The following MKX variants were observed in gnomAD, a reference collection of about 807,000 sequenced individuals.
MKX encodes mohawk homeobox, also known as homeobox protein Mohawk.
A neutral mutation model predicts 36.0 loss-of-function variants in MKX; 13 were observed. The observed-to-expected ratio is 0.36, with a 90% CI of 0.24 to 0.57. The LOEUF is 0.57. Among genes scored for constraint, MKX ranks in the 20% least tolerant of loss-of-function variants. The pLI is 0.79. For synonymous variants in MKX, 176 were observed against 178.3 expected, an observed-to-expected ratio of 0.99 and a Z score of 0.10; for missense variants, 458 against 456.4, an observed-to-expected ratio of 1.00 and a Z score of -0.03.
chr10:27,734,684 G>A lies in MKX; in HGVS notation c.610C>T (p.Pro204Ser), dbSNP rs756336977. 1.9e-6 allele frequency: 3 copies of A among 1,614,046 alleles called. No individual in the cohort carries two copies. Among genetic ancestry groups the A allele is most frequent in the Admixed American group, 1.7e-5 (1 of 60,012 alleles). ...TAGTCCTCACTGGCCCGTGACTCTG[G>A]CCTCACTCCCGCTTTGATGACCGAA... ...ENSVIKAGVRPESRASEDYVA... is the reference protein window; with the variant it reads ...ENSVIKAGVRSESRASEDYVA... The change falls in exon 5 of 7, where the codon CCA becomes TCA. Residue 204 changes from proline (P) to serine (S), a missense_variant. This residue lies in a region of MKX where 297 missense variants were observed against 304.4 expected (regional missense o/e 0.98). Coordinates refer to ENST00000419761, the MANE Select transcript of MKX (RefSeq NM_173576.3).
At chr10:27,743,157 C>A in intron 2 of MKX, 71 bp downstream of exon 2, 1 of 1,346,570 alleles carries the variant, frequency 7.4e-7, no homozygotes, top group Non-Finnish European at 9.6e-7. Flanking sequence ...TGCCACGGGA[C>A]CCCGTCACAG....
At chr10:27,704,110 C>T (rs895114788) in intron 5 of MKX, among the ~76,000 whole-genome samples, 3 of 151,958 alleles carry the variant, frequency 2.0e-5, no homozygotes, top group African/African-American at 7.3e-5. Flanking sequence ...AACAATAAAA[C>T]AAACAGATAA....
chr10:27,689,187 T>C (rs1836409664), intron 5 of MKX, among the ~76,000 whole-genome samples: 1 of 152,228 alleles, frequency 6.6e-6, no homozygotes. Context: ...GTCTGACTGA[T>C]TAACACCAGA....
intron 5 of MKX, among the ~76,000 whole-genome samples, chr10:27,720,443 A>C (rs1291707833): frequency 6.6e-6 from 1 of 152,158 alleles, no homozygotes; most frequent in Non-Finnish European, 1.5e-5. Flanking sequence ...ATATGGAATA[A>C]AAACTTTCCC....
Position 27,743,443 on chromosome 10 carries a change from C to T in MKX, c.-28G>A. 6.6e-7 allele frequency: 1 copy of T among 1,513,104 alleles called. No homozygotes were observed. Among genetic ancestry groups the T allele is most frequent in the South Asian group, 1.3e-5 (1 of 77,416 alleles). 93.7% of individuals were successfully genotyped at this position (1,513,104 alleles called of 1,614,324 possible). A position where few individuals can be genotyped will look rare whatever the true frequency, so the allele number is the denominator to read the frequency against. ...TGTCGGTTGGTAGGGACGCGCGGCG[C>T]GGCCGCAGAGCCTCGGGGCTGGGCC... On this transcript the variant is annotated 5_prime_UTR_variant, in exon 2 of 7. Coordinates refer to ENST00000419761, the MANE Select transcript of MKX (RefSeq NM_173576.3).
chr10:27,743,203 A>T (rs1834951073), intron 2 of MKX, 25 bp downstream of exon 2: 1 of 1,434,016 alleles, frequency 7.0e-7, no homozygotes. Context: ...GCAGGCGGGC[A>T]GGGCCCCCAG....
chr10:27,707,563 G>A (rs1836779254), intron 5 of MKX, among the ~76,000 whole-genome samples: 1 of 152,132 alleles, frequency 6.6e-6, no homozygotes, highest in Admixed American at 6.5e-5. Flanking sequence ...ACCCAGCACT[G>A]CTGTGGAAAG....
chr10:27,683,301 G>A (rs949347661), intron 5 of MKX, among the ~76,000 whole-genome samples: 2 of 152,190 alleles, frequency 1.3e-5, no homozygotes, highest in Admixed American at 6.5e-5. Context: ...CATTGGTTCC[G>A]ATTGCCTACA....
At chr10:27,723,668 T>G (rs1834427408) in intron 5 of MKX, among the ~76,000 whole-genome samples, 1 of 152,224 alleles carries the variant, frequency 6.6e-6, no homozygotes, top group African/African-American at 2.4e-5. Context: ...ATTCTCTCCC[T>G]TGCCAGATAG....
chr10:27,723,228 G>C (rs1834418432), intron 5 of MKX, among the ~76,000 whole-genome samples: 1 of 152,094 alleles, frequency 6.6e-6, no homozygotes, highest in Non-Finnish European at 1.5e-5. Context: ...AGTTAGATAA[G>C]CTAGAGTCCC....
Position 27,741,397 on chromosome 10 carries a change from G to C in MKX, c.296C>G (p.Thr99Ser). The change falls in exon 3 of 7, where the codon ACC (threonine) becomes AGC (serine). Residue 99 changes from threonine (T) to serine (S), a missense_variant. Physicochemically the swap from Thr to Ser is moderately conservative, Grantham distance 58. Around this residue, in one of 3 missense-constraint regions of MKX, gnomAD observed 12 missense variants for 37.6 expected, o/e 0.32. Transcript: ENST00000419761. This position sits in a 1 kb window ranked among gnomAD's most constrained non-coding sequence, Gnocchi z 5.1. The part of the protein sequence containing the change: ...LYKHRDNPYP[T>S]KTEKILLALG... ...GGCCAAGAGTATCTTCTCGGTCTTG[G>C]TGGGGTACGGGTTGTCACGGTGCTT... 1 of 1,613,574 alleles carries C rather than the reference G, an allele frequency of 6.2e-7. No homozygotes were observed. Among genetic ancestry groups the C allele is most frequent in the East Asian group, 2.2e-5 (1 of 44,852 alleles).
At position 27,742,970 on chromosome 10, in the gene MKX, G is replaced by C. The variant is rs994209530; in HGVS notation, c.188+258C>G. 6.6e-6 allele frequency among the ~76,000 whole-genome samples: 1 copy of C among 152,250 alleles called. No homozygotes were observed. Among genetic ancestry groups the C allele is most frequent in the Non-Finnish European group, 1.5e-5 (1 of 68,038 alleles). ...AACTCCGAGGTCCAGGCAGCGGAGG[G>C]CCGAGGGGCAGCTCCTGGCGCCCTT... On this transcript the variant is annotated intron_variant, in intron 2 of 6. Transcript: ENST00000419761. This position sits in a 1 kb window ranked among gnomAD's most constrained non-coding sequence, Gnocchi z 4.2.
Position 27,742,020 on chromosome 10 carries a change from C to T in MKX, c.189-516G>A, listed in dbSNP as rs1834910417. 6.6e-6 allele frequency among the ~76,000 whole-genome samples: 1 copy of T among 152,230 alleles called. No individual in the cohort carries two copies. Among genetic ancestry groups the T allele is most frequent in the African/African-American group, 2.4e-5 (1 of 41,462 alleles). On this transcript the variant is annotated intron_variant, in intron 2 of 6. Transcript: ENST00000419761. The surrounding 1 kb of genome is among the most constrained non-coding windows in gnomAD (Gnocchi z 4.2). Reference sequence around the variant, plus strand: ...GGAATAAAGCAAAGGAGCATTGCCGCCCCGGCTCTCTTTAAGCTATTTCCT... The same window carrying T: ...GGAATAAAGCAAAGGAGCATTGCCGTCCCGGCTCTCTTTAAGCTATTTCCT...
At position 27,735,300 on chromosome 10, in the gene MKX, C is replaced by T; in HGVS notation, c.423G>A (p.Leu141=). 1.9e-6 allele frequency: 3 copies of T among 1,613,918 alleles called. No homozygotes were observed. The highest frequency in any genetic ancestry group is 2.5e-6 in the Non-Finnish European group (3 of 1,179,918). Residue 141 remains leucine, a synonymous_variant, in exon 4 of 7, where the codon TTG becomes TTA. Transcript: ENST00000419761. ...TVRQPDLSWA[L]RIKLYNKYVQ... ...CATACTTGTTGTATAACTTTATTCT[C>T]AAAGCCCAGCTTAAATCTGGCTGTC... is the stretch of plus-strand genomic sequence containing the variant.
chr10:27,719,778 A>G (rs1834334343), intron 5 of MKX, among the ~76,000 whole-genome samples: 2 of 152,152 alleles, frequency 1.3e-5, no homozygotes, highest in Admixed American at 1.3e-4. Flanking sequence ...TGAGGCCATG[A>G]GTTTGAGAGC....
At chr10:27,696,568 A>G (rs76900337) in intron 5 of MKX, among the ~76,000 whole-genome samples, 1 of 152,126 alleles carries the variant, frequency 6.6e-6, no homozygotes. Flanking sequence ...CAAGCTGCAT[A>G]TTACAAAGTT....
chr10:27,724,976 T>C (rs989181791), intron 5 of MKX, among the ~76,000 whole-genome samples: 1 of 151,992 alleles, frequency 6.6e-6, no homozygotes, highest in African/African-American at 2.4e-5. Context: ...CTTTTAGAAA[T>C]GCACACACAC....
At chr10:27,733,830 G>A (rs970687664) in intron 5 of MKX, among the ~76,000 whole-genome samples, 4 of 152,102 alleles carry the variant, frequency 2.6e-5, no homozygotes, top group African/African-American at 9.7e-5. Flanking sequence ...CTTTATTTCT[G>A]GAAGGAAAGT....
intron 5 of MKX, among the ~76,000 whole-genome samples, chr10:27,701,848 C>T (rs1256939592): frequency 7.2e-6 from 1 of 139,144 alleles, no homozygotes; most frequent in African/African-American, 2.7e-5. Context: ...TATATATATA[C>T]ACAAAGAAGG....
Sources: allele counts gnomAD v4.1 joint callset (sites outside exome capture counted in the v4.1 genomes callset), GRCh38; gene constraint gnomAD v4.1.1; regional missense constraint gnomAD v4.1.1; non-coding constraint Gnocchi (gnomAD v3.1); transcripts MANE v1.5; gene names NCBI Gene and HGNC (gene_info 2026-07-23, HGNC 2026-07-21).